Variants in GRM8 observed in about 807,000 individuals in gnomAD.
GRM8 encodes glutamate metabotropic receptor 8.
A neutral mutation model predicts 87.2 loss-of-function variants in GRM8; 47 were observed. The observed-to-expected ratio is 0.54, with a 90% CI of 0.43 to 0.69. The LOEUF is 0.69. Among genes scored for constraint, GRM8 ranks in the 30% least tolerant of loss-of-function variants. The probability of loss-of-function intolerance (pLI) is 0.00; values close to 1 mark genes in which losing one functional copy is unlikely to be tolerated. For missense variants in GRM8, 1,019 were observed against 1,139.2 expected (o/e 0.89, Z 1.52); for synonymous variants, 396 against 404.5 (o/e 0.98, Z 0.25).
At chr7:126,497,816 G>A (rs1808999439) in intron 9 of GRM8, among the ~76,000 whole-genome samples, 1 of 151,940 alleles carries the variant, frequency 6.6e-6, no homozygotes, top group Non-Finnish European at 1.5e-5. Context: ...TGCTGAGAGT[G>A]CCCTATTATA....
rs1321539260 is a variant in GRM8 at position 126,582,646 on chromosome 7, T to C, written c.1494+26716A>G. Among the ~76,000 whole-genome samples, 5 of 152,330 alleles carry C rather than the reference T, an allele frequency of 3.3e-5. No homozygotes were observed. The East Asian group carries it at 9.6e-4, about 29-fold the overall frequency. On this transcript the variant is annotated intron_variant, in intron 8 of 10. Transcript: ENST00000339582. ...TGGCTTCAAGCTTCAAAGGAGAATCTGACTCTCTTATTAGGGCCTAATGAA... is the reference window on the plus strand; with the variant it reads ...TGGCTTCAAGCTTCAAAGGAGAATCCGACTCTCTTATTAGGGCCTAATGAA...
At chr7:127,113,947 C>G (rs1334822995) in intron 2 of GRM8, among the ~76,000 whole-genome samples, 1 of 152,006 alleles carries the variant, frequency 6.6e-6, no homozygotes. Context: ...CCGACACTGC[C>G]CTGAGCTTTC....
At chr7:127,046,235 G>A (rs1480564382) in intron 3 of GRM8, among the ~76,000 whole-genome samples, 2 of 152,132 alleles carry the variant, frequency 1.3e-5, no homozygotes, top group African/African-American at 4.8e-5. Context: ...AGCCAGGCGT[G>A]GTGGTGGGCG....
rs143629680 is a variant in GRM8 at position 126,982,611 on chromosome 7, T to C, written c.728-77928A>G. On this transcript the variant is annotated intron_variant, in intron 3 of 10. Coordinates refer to ENST00000339582, the MANE Select transcript of GRM8 (RefSeq NM_000845.3). ...ATGGATATGAGGTCAATAAATCTTA[T>C]GTCACATGATAAAGGAAAAAGGAAA... Among the ~76,000 whole-genome samples the C allele has an allele frequency of 1.8e-3, 272 of 152,338 alleles. 1 individual carries two copies. Among genetic ancestry groups the C allele is most frequent in the African/African-American group, 6.2e-3 (258 of 41,578 alleles).
At chr7:126,571,206 A>G (rs1381611445) in intron 8 of GRM8, among the ~76,000 whole-genome samples, 1 of 152,222 alleles carries the variant, frequency 6.6e-6, no homozygotes, top group Non-Finnish European at 1.5e-5. Flanking sequence ...TTTAATAAAT[A>G]TCAGAAATAT....
intron 9 of GRM8, among the ~76,000 whole-genome samples, chr7:126,458,022 C>CAAA (rs536344446): frequency 2.9e-5 from 4 of 136,370 alleles, no homozygotes; most frequent in South Asian, 2.3e-4. Flanking sequence ...TGTTGTTAGC[C>CAAA]AAAAAAAAAA....
intron 6 of GRM8, among the ~76,000 whole-genome samples, chr7:126,817,565 G>A (rs1274006118): frequency 6.6e-6 from 1 of 152,048 alleles, no homozygotes; most frequent in Non-Finnish European, 1.5e-5. Context: ...GAGGATTATC[G>A]ATGTACAGTT....
At chr7:126,828,117 T>G (rs1048948457) in intron 6 of GRM8, among the ~76,000 whole-genome samples, 1 of 152,072 alleles carries the variant, frequency 6.6e-6, no homozygotes, top group South Asian at 2.1e-4. Flanking sequence ...GTTTTGCCAG[T>G]ATTTTATTGA....
chr7:126,529,635 T>G (rs976835613), intron 9 of GRM8, among the ~76,000 whole-genome samples: 1 of 152,188 alleles, frequency 6.6e-6, no homozygotes, highest in South Asian at 2.1e-4. Context: ...TTCCATCGGA[T>G]GCTCTAGAAG....
intron 9 of GRM8, among the ~76,000 whole-genome samples, chr7:126,520,181 A>G (rs1648700932): frequency 6.6e-6 from 1 of 152,106 alleles, no homozygotes; most frequent in Non-Finnish European, 1.5e-5. Context: ...AAACAGGGGA[A>G]AAAAGAAGAG....
intron 3 of GRM8, among the ~76,000 whole-genome samples, chr7:127,075,198 C>A (rs1339973970): frequency 6.6e-6 from 1 of 152,122 alleles, no homozygotes; most frequent in Non-Finnish European, 1.5e-5. Context: ...TGGTGGCAGC[C>A]AGGATCTTAT....
chr7:126,636,916 G>A (rs1801915915), intron 7 of GRM8, among the ~76,000 whole-genome samples: 1 of 151,700 alleles, frequency 6.6e-6, no homozygotes, highest in Non-Finnish European at 1.5e-5. Flanking sequence ...TTTGTTGCAT[G>A]GATTTCTAAA....
intron 7 of GRM8, among the ~76,000 whole-genome samples, chr7:126,690,924 G>A (rs1254241774): frequency 6.6e-6 from 1 of 152,142 alleles, no homozygotes; most frequent in East Asian, 1.9e-4. Flanking sequence ...GGGCTTCAGA[G>A]GGGAGGTAGT....
At chr7:126,727,275 T>C (rs887862211) in intron 7 of GRM8, among the ~76,000 whole-genome samples, 1 of 152,040 alleles carries the variant, frequency 6.6e-6, no homozygotes, top group African/African-American at 2.4e-5. Flanking sequence ...ATTAAGAACA[T>C]ACTTTTTAAA....
intron 9 of GRM8, among the ~76,000 whole-genome samples, chr7:126,532,067 G>A (rs1461635811): frequency 7.2e-5 from 11 of 152,278 alleles, no homozygotes; most frequent in South Asian, 6.2e-4. Context: ...CCCACTACCC[G>A]AAAAGTGGAA....
At chr7:126,522,619 T>C (rs1448040671) in intron 9 of GRM8, among the ~76,000 whole-genome samples, 1 of 152,220 alleles carries the variant, frequency 6.6e-6, no homozygotes, top group Non-Finnish European at 1.5e-5. Flanking sequence ...GTGGCTATCT[T>C]AAACTTAAAA....
chr7:126,513,308 T>A (rs756768347), intron 9 of GRM8, among the ~76,000 whole-genome samples: 1 of 150,046 alleles, frequency 6.7e-6, no homozygotes, highest in Admixed American at 6.7e-5. Context: ...CCTTCGGGTA[T>A]TTTTTTTTTA....
intron 8 of GRM8, among the ~76,000 whole-genome samples, chr7:126,577,834 G>A (rs75062328): frequency 0.022 from 3,381 of 151,070 alleles, 119 homozygotes; most frequent in African/African-American, 0.078. Context: ...CTCTCTCCTC[G>A]CCTCTTTTAA....
chr7:126,546,412 A>G (rs991028564), intron 8 of GRM8, among the ~76,000 whole-genome samples: 2 of 152,116 alleles, frequency 1.3e-5, no homozygotes, highest in South Asian at 2.1e-4. Flanking sequence ...TTGAAAACCA[A>G]CTCTATTAGG....
Sources: allele counts gnomAD v4.1 joint callset (sites outside exome capture counted in the v4.1 genomes callset), GRCh38; gene constraint gnomAD v4.1.1; transcripts MANE v1.5; gene names NCBI Gene and HGNC (gene_info 2026-07-23, HGNC 2026-07-21).